Variants in EIF2AK2 observed in about 807,000 individuals in gnomAD.
EIF2AK2 encodes the protein eukaryotic translation initiation factor 2 alpha kinase 2.
A neutral mutation model predicts 70.5 loss-of-function variants in EIF2AK2; 40 were observed. The ratio of observed to expected loss-of-function variants is 0.57; its 90% confidence interval spans 0.44 to 0.74. The LOEUF is 0.74. EIF2AK2 is among the 30% of genes least tolerant of loss of function. The pLI is 0.00. For missense variants in EIF2AK2, 555 were observed against 644.3 expected, an observed-to-expected ratio of 0.86 and a Z score of 1.50; for synonymous variants, 198 against 220.9, an observed-to-expected ratio of 0.90 and a Z score of 0.92.
intron 13 of EIF2AK2, among the ~76,000 whole-genome samples, 186 bp from the exon 14 acceptor site, chr2:37,115,045 CT>C (rs1183840580): frequency 0.1 from 14,279 of 138,008 alleles, 709 homozygotes; most frequent in South Asian, 0.15. Context: ...GTCAGGATTT[CT>C]TTTTTTTTTT....
intron 6 of EIF2AK2, among the ~76,000 whole-genome samples, chr2:37,139,318 A>C (rs1274272941): frequency 7.0e-6 from 1 of 142,426 alleles, no homozygotes; most frequent in Non-Finnish European, 1.6e-5. Context: ...CCATCTCAAA[A>C]AAAAAAAAAA....
At chr2:37,107,747 A>G (rs1206322380) in intron 15 of EIF2AK2, among the ~76,000 whole-genome samples, 3 of 152,146 alleles carry the variant, frequency 2.0e-5, no homozygotes, top group Admixed American at 6.6e-5. Flanking sequence ...TCATCTTTAC[A>G]ATCTCCCTTC....
chr2:37,126,523 T>C (rs1674736087), intron 10 of EIF2AK2, 112 bp from the exon 11 acceptor site: 1 of 1,444,698 alleles, frequency 6.9e-7, no homozygotes, highest in African/African-American at 1.4e-5. Context: ...TAAAACAAAT[T>C]TGATTCTCTC....
chr2:37,138,158 T>A, intron 8 of EIF2AK2, 112 bp downstream of exon 8: 1 of 735,118 alleles, frequency 1.4e-6, no homozygotes, highest in Non-Finnish European at 2.1e-6. Flanking sequence ...TTAGTAAGAG[T>A]GCATAAGATA....
chr2:37,137,758 G>A (rs923638605), intron 8 of EIF2AK2, among the ~76,000 whole-genome samples: 2 of 152,178 alleles, frequency 1.3e-5, no homozygotes, highest in African/African-American at 4.8e-5. Context: ...AAGGATGAGT[G>A]AGGAAAGACA....
intron 1 of EIF2AK2, among the ~76,000 whole-genome samples, chr2:37,155,430 A>G (rs1055922146): frequency 2.0e-5 from 3 of 152,110 alleles, no homozygotes; most frequent in African/African-American, 7.2e-5. Flanking sequence ...GCTTTTCTCT[A>G]CATTTATAGT....
At chr2:37,118,378 C>G (rs947469758) in intron 13 of EIF2AK2, among the ~76,000 whole-genome samples, 1 of 151,976 alleles carries the variant, frequency 6.6e-6, no homozygotes, top group African/African-American at 2.4e-5. Flanking sequence ...CAACTGCAGC[C>G]AGAGTAAAAA....
At chr2:37,131,711 T>C (rs886460497) in intron 10 of EIF2AK2, among the ~76,000 whole-genome samples, 1 of 152,096 alleles carries the variant, frequency 6.6e-6, no homozygotes, top group Non-Finnish European at 1.5e-5. Context: ...GATTTATAGA[T>C]GGCAGCGCAT....
At chr2:37,148,608 T>G in intron 2 of EIF2AK2, 1 of 848,980 alleles carries the variant, frequency 1.2e-6, no homozygotes, top group Non-Finnish European at 2.0e-6. Context: ...CACACAGGTT[T>G]TAAGATGTTG....
chr2:37,120,219 T>G, intron 12 of EIF2AK2, 80 bp from the exon 13 acceptor site: 2 of 975,646 alleles, frequency 2.0e-6, no homozygotes, highest in Non-Finnish European at 2.7e-6. Flanking sequence ...TTTTAAAGTT[T>G]TTCATAACTT....
intron 1 of EIF2AK2, among the ~76,000 whole-genome samples, chr2:37,149,686 T>C (rs752894286): frequency 4.6e-5 from 7 of 152,218 alleles, no homozygotes; most frequent in Non-Finnish European, 1.0e-4. Context: ...GGTAGCACAG[T>C]ATAACTCTGA....
At position 37,107,080 on chromosome 2, in the gene EIF2AK2, A is replaced by G; in HGVS notation, c.*193T>C. 1.5e-6 allele frequency: 1 copy of G among 689,346 alleles called. No homozygotes were observed. Among genetic ancestry groups the G allele is most frequent in the Non-Finnish European group, 2.1e-6 (1 of 468,754 alleles). 42.7% of individuals were successfully genotyped at this position (689,346 alleles called of 1,614,324 possible). A position where few individuals can be genotyped will look rare whatever the true frequency, so the allele number is the denominator to read the frequency against. On this transcript the variant is annotated 3_prime_UTR_variant, in exon 17 of 17. Coordinates refer to ENST00000233057, the MANE Select transcript of EIF2AK2 (RefSeq NM_001135651.3). ...AGAATAAAGAGATGAGCCAGGAAAAAGTAAAATGTAAGAATGTTTTTGAAG... is the reference window on the plus strand; with the variant it reads ...AGAATAAAGAGATGAGCCAGGAAAAGGTAAAATGTAAGAATGTTTTTGAAG...
At chr2:37,153,847 G>A (rs995468719) in intron 1 of EIF2AK2, among the ~76,000 whole-genome samples, 1 of 152,116 alleles carries the variant, frequency 6.6e-6, no homozygotes, top group Non-Finnish European at 1.5e-5. Flanking sequence ...TATATAAGTG[G>A]AATTGAATCA....
intron 12 of EIF2AK2, among the ~76,000 whole-genome samples, chr2:37,120,524 A>AAAAAACG (rs1674505724): frequency 1.7e-4 from 5 of 29,588 alleles, no homozygotes; most frequent in Admixed American, 7.0e-4. Context: ...AAAAAAAAAA[A>AAAAAACG]AGAAAAAAAA....
chr2:37,135,401 T>C, intron 10 of EIF2AK2, 83 bp downstream of exon 10: 1 of 1,093,140 alleles, frequency 9.1e-7, no homozygotes, highest in Non-Finnish European at 1.4e-6. Context: ...ACTGACAGGA[T>C]CATGGCCATT....
At position 37,099,221 on chromosome 2, in the gene EIF2AK2, A is replaced by G. The variant is rs1673761604; in HGVS notation, c.*8052T>C. ...TTTAACATACCAAATTGGTTTTTCT[A>G]ATAAACATTTATTTCAAGTGTTATT... On this transcript the variant is annotated 3_prime_UTR_variant, in exon 17 of 17. Coordinates refer to ENST00000233057, the MANE Select transcript of EIF2AK2 (RefSeq NM_001135651.3). 1 of 152,222 alleles carries G rather than the reference A, an allele frequency of 6.6e-6. No individual in the cohort carries two copies. Among genetic ancestry groups the G allele is most frequent in the African/African-American group, 2.4e-5 (1 of 41,460 alleles). 9.4% of individuals were successfully genotyped at this position (152,222 alleles called of 1,614,324 possible). A position where few individuals can be genotyped will look rare whatever the true frequency, so the allele number is the denominator to read the frequency against.
At chr2:37,109,142 G>A (rs1674060851) in intron 15 of EIF2AK2, 52 bp downstream of exon 15, 1 of 1,540,422 alleles carries the variant, frequency 6.5e-7, no homozygotes, top group Admixed American at 1.7e-5. Context: ...GCACTCTGAA[G>A]GTGGTAGTCA....
chr2:37,138,182 T>A, intron 8 of EIF2AK2, 88 bp downstream of exon 8: 1 of 1,002,474 alleles, frequency 1.0e-6, no homozygotes, highest in Non-Finnish European at 1.5e-6. Flanking sequence ...AATATAAAAA[T>A]TATGGTGGAA....
chr2:37,137,510 T>C (rs1281434212), intron 8 of EIF2AK2, among the ~76,000 whole-genome samples: 3 of 152,354 alleles, frequency 2.0e-5, no homozygotes, highest in South Asian at 2.1e-4. Context: ...GGTCTCACTA[T>C]GTTGCCTAGG....
Sources: allele counts gnomAD v4.1 joint callset (sites outside exome capture counted in the v4.1 genomes callset), GRCh38; gene constraint gnomAD v4.1.1; transcripts MANE v1.5; gene names NCBI Gene and HGNC (gene_info 2026-07-23, HGNC 2026-07-21).